The following PCDHA4 variants were observed in gnomAD, a reference collection of about 807,000 sequenced individuals.
PCDHA4 encodes the protein protocadherin alpha 4.
A neutral mutation model predicts 61.4 loss-of-function variants in PCDHA4; 49 were observed. That is an observed-to-expected ratio of 0.80 (90% CI 0.63 to 1.01). The LOEUF is 1.01. PCDHA4 is among the 50% of genes least tolerant of loss of function. PCDHA4 has a pLI of 0.00. For synonymous variants in PCDHA4, 590 were observed against 550.3 expected, an observed-to-expected ratio of 1.07 and a Z score of -1.01; for missense variants, 1,254 against 1,235.8, an observed-to-expected ratio of 1.01 and a Z score of -0.22.
intron 1 of PCDHA4, among the ~76,000 whole-genome samples, chr5:140,920,816 C>A (rs1170521844): frequency 6.6e-6 from 1 of 150,790 alleles, no homozygotes; most frequent in East Asian, 1.9e-4. Flanking sequence ...TGCACTCCAG[C>A]CTGGCGACGG....
chr5:140,891,921 C>G (rs1405172226), intron 1 of PCDHA4, among the ~76,000 whole-genome samples: 1 of 152,234 alleles, frequency 6.6e-6, no homozygotes, highest in African/African-American at 2.4e-5. Flanking sequence ...ATGCTGGTGC[C>G]TTGATCTTGG....
At chr5:140,834,349 T>C (rs1772916837) in intron 1 of PCDHA4, 1 of 1,534,320 alleles carries the variant, frequency 6.5e-7, no homozygotes, top group Non-Finnish European at 8.8e-7. Context: ...CGAAGGCAAG[T>C]TTTGCTGACT....
chr5:140,954,909 T>C (rs1309101151), intron 1 of PCDHA4, among the ~76,000 whole-genome samples: 3 of 152,164 alleles, frequency 2.0e-5, no homozygotes, highest in Admixed American at 6.5e-5. Flanking sequence ...TTTCATACTT[T>C]TATGAATTAC....
At chr5:140,925,420 G>C (rs1332055982) in intron 1 of PCDHA4, among the ~76,000 whole-genome samples, 2 of 152,102 alleles carry the variant, frequency 1.3e-5, no homozygotes, top group Non-Finnish European at 2.9e-5. Flanking sequence ...AAAGGAACTG[G>C]TTGTAGGGTG....
At chr5:140,858,342 C>T (rs528199752) in intron 1 of PCDHA4, 5 of 1,594,916 alleles carry the variant, frequency 3.1e-6, no homozygotes, top group East Asian at 2.2e-5. Flanking sequence ...CTGCCCAAGG[C>T]GGACCTCATG....
In PCDHA4 at chr5:141,010,844, A is replaced by T. The variant is rs1286149629; in HGVS notation, c.*907A>T. ...TGTTTGTTGTTTCATAGATTTATTT[A>T]AAAAAAGAGAAAGTCTATAGCTATA... On this transcript the variant is annotated 3_prime_UTR_variant, in exon 4 of 4. Coordinates refer to ENST00000530339, the MANE Select transcript of PCDHA4 (RefSeq NM_018907.4). The T allele has an allele frequency of 1.3e-5, 2 of 153,756 alleles. No homozygotes were observed. The highest frequency in any genetic ancestry group is 2.9e-5 in the Non-Finnish European group (2 of 68,056). 9.5% of individuals were successfully genotyped at this position (153,756 alleles called of 1,614,324 possible).
chr5:140,870,944 CG>C, intron 1 of PCDHA4: 1 of 1,613,658 alleles, frequency 6.2e-7, no homozygotes, highest in Non-Finnish European at 8.5e-7. Flanking sequence ...CAGCCGGCGG[CG>C]GGCGGCTCGC....
chr5:140,808,205 G>A lies in PCDHA4; in HGVS notation c.1018G>A (p.Val340Ile). The change falls in exon 1 of 4, where the codon GTA becomes ATA. Residue 340 changes from valine to isoleucine, a missense_variant. Coordinates refer to ENST00000530339, the MANE Select transcript of PCDHA4 (RefSeq NM_018907.4). ...LSGHCRVIVE[V>I]EDNNDNVPDL... ...TGGCCATTGTAGAGTTATTGTGGAAGTAGAAGACAACAACGATAATGTCCC... is the reference window on the plus strand; with the variant it reads ...TGGCCATTGTAGAGTTATTGTGGAAATAGAAGACAACAACGATAATGTCCC... 6.2e-7 allele frequency: 1 copy of A among 1,614,254 alleles called. No individual in the cohort carries two copies. Among genetic ancestry groups the A allele is most frequent in the Non-Finnish European group, 8.5e-7 (1 of 1,180,038 alleles).
intron 1 of PCDHA4, among the ~76,000 whole-genome samples, chr5:140,889,040 A>G (rs1313734637): frequency 4.6e-5 from 7 of 152,094 alleles, no homozygotes; most frequent in African/African-American, 1.4e-4. Context: ...TAATTTGATT[A>G]TAATTTATAA....
At chr5:140,823,640 G>T (rs2150127782) in intron 1 of PCDHA4, 1 of 1,613,994 alleles carries the variant, frequency 6.2e-7, no homozygotes, top group Non-Finnish European at 8.5e-7. Flanking sequence ...ATCCCGTTCC[G>T]CGTGGGGCTG....
At chr5:140,930,169 A>G (rs1312219690) in intron 1 of PCDHA4, 1 of 152,184 alleles carries the variant, frequency 6.6e-6, no homozygotes, top group Non-Finnish European at 1.5e-5. Context: ...AATATTTTAC[A>G]AAGAGGAAAG....
intron 1 of PCDHA4, among the ~76,000 whole-genome samples, chr5:140,902,520 T>C (rs1350068201): frequency 6.6e-6 from 1 of 152,116 alleles, no homozygotes; most frequent in Non-Finnish European, 1.5e-5. Context: ...TATATGGTTT[T>C]TATTATGTTG....
At chr5:141,007,329 TTGCCTGAGCTCAG>T (rs1554261175) in intron 3 of PCDHA4, among the ~76,000 whole-genome samples, 2 of 149,734 alleles carry the variant, frequency 1.3e-5, no homozygotes. Context: ...AGTGGACAGA[TTGCCTGAGCTCAG>T]GAGTTCGAGA....
chr5:140,938,439 A>C (rs2092064072), intron 1 of PCDHA4, among the ~76,000 whole-genome samples: 1 of 152,208 alleles, frequency 6.6e-6, no homozygotes, highest in African/African-American at 2.4e-5. Flanking sequence ...TATCAGATTT[A>C]TTAAGTTCCC....
chr5:140,849,508 T>C, intron 1 of PCDHA4: 1 of 1,596,440 alleles, frequency 6.3e-7, no homozygotes, highest in South Asian at 1.1e-5. Context: ...ACACTTCTTG[T>C]GGAAGTTGTG....
At position 140,851,036 on chromosome 5, in the gene PCDHA4, T is replaced by A; in HGVS notation, c.2385+41464T>A. On this transcript the variant is annotated intron_variant, in intron 1 of 3. Coordinates refer to ENST00000530339, the MANE Select transcript of PCDHA4 (RefSeq NM_018907.4). ...TTCTGATAAAGTAAACCCCTTAACA[T>A]TGGAGCCGACTTTGTCTTGACTTCT... 2 of 1,401,900 alleles carry A rather than the reference T, an allele frequency of 1.4e-6. 1 individual carries two copies. The highest frequency in any genetic ancestry group is 1.9e-6 in the Non-Finnish European group (2 of 1,068,406). The allele number at this position is 1,401,900 out of a possible 1,614,324, so 86.8% of individuals were successfully genotyped here.
Position 140,848,545 on chromosome 5 carries a change from C to A in PCDHA4, c.2385+38973C>A. On this transcript the variant is annotated intron_variant, in intron 1 of 3. Coordinates refer to ENST00000530339, the MANE Select transcript of PCDHA4 (RefSeq NM_018907.4). ...CCAGAGGGTCAGCCTCTACTGCTCT[C>A]GCTTCTGATCCTCGCAATGTGGGTG... is the stretch of plus-strand genomic sequence containing the variant. 4 of 1,595,440 alleles carry A rather than the reference C, an allele frequency of 2.5e-6. 1 individual carries two copies. Among genetic ancestry groups the A allele is most frequent in the Non-Finnish European group, 3.4e-6 (4 of 1,165,436 alleles).
At chr5:140,856,784 T>A in intron 1 of PCDHA4, 1 of 1,596,522 alleles carries the variant, frequency 6.3e-7, no homozygotes. Flanking sequence ...CAGACCGGTT[T>A]ATGAAGTTAA....
chr5:140,840,024 G>A (rs1776520218), intron 1 of PCDHA4, among the ~76,000 whole-genome samples: 2 of 152,172 alleles, frequency 1.3e-5, no homozygotes, highest in Middle Eastern at 3.4e-3. Context: ...TCATGGTCAC[G>A]TAGCGTATCT....
Sources: allele counts gnomAD v4.1 joint callset (sites outside exome capture counted in the v4.1 genomes callset), GRCh38; gene constraint gnomAD v4.1.1; transcripts MANE v1.5; gene names NCBI Gene and HGNC (gene_info 2026-07-23, HGNC 2026-07-21).